Variants in MYBPC2 observed in about 807,000 individuals in gnomAD.
MYBPC2 encodes myosin-binding protein C, fast-type.
In MYBPC2, 122 loss-of-function variants were observed where a neutral mutation model predicts 137.0. The ratio of observed to expected loss-of-function variants is 0.89; its 90% CI spans 0.77 to 1.03. MYBPC2 has a LOEUF of 1.03. Among genes scored for constraint, MYBPC2 ranks in the 50% least tolerant of loss-of-function variants. MYBPC2 has a pLI of 0.00. For synonymous variants in MYBPC2, 626 were observed against 612.3 expected, an observed-to-expected ratio of 1.02 and a Z score of -0.33; for missense variants, 1,500 against 1,534.4, an observed-to-expected ratio of 0.98 and a Z score of 0.37.
In MYBPC2 at chr19:50,435,438, C is replaced by G. The variant is rs931550355; in HGVS notation, c.109+188C>G. Reference sequence around the variant, plus strand: ...TGGCACCCGCAGGCAGAGCCCAGCCCCTCGGCTGGCATCGGCTCCGGTCAG... The same window carrying G: ...TGGCACCCGCAGGCAGAGCCCAGCCGCTCGGCTGGCATCGGCTCCGGTCAG... On this transcript the variant is annotated intron_variant, in intron 2 of 27. Transcript: ENST00000357701. The surrounding 1 kb of genome is among the most constrained non-coding windows in gnomAD (Gnocchi z 4.8). Among the ~76,000 whole-genome samples, 2 of 152,240 alleles carry G rather than the reference C, an allele frequency of 1.3e-5. No individual in the cohort carries two copies. The highest frequency in any genetic ancestry group is 4.8e-5 in the African/African-American group (2 of 41,466).
At position 50,455,514 on chromosome 19, in the gene MYBPC2, C is replaced by T. The variant is rs990503399; in HGVS notation, c.2208C>T (p.Pro736=). The T allele has an allele frequency of 4.3e-6, 7 of 1,613,228 alleles. No individual in the cohort carries two copies. The African/African-American group carries it at 9.3e-5, about 22-fold the overall frequency. ...MNTKPFMPIA[P]TSEPLHLIVE... ...TCTTTTTCTGGATGCTTGCAGCACC[C>T]ACGAGTGAACCCCTGCACCTGATAG... The change falls in exon 20 of 28, where the codon CCC becomes CCT. Residue 736 remains proline, a synonymous_variant. Transcript: ENST00000357701.
rs756965772 is a variant in MYBPC2, at chr19:50,455,538, A to G, written c.2232A>G (p.Ile744Met). The G allele has an allele frequency of 1.2e-6, 2 of 1,613,776 alleles. No individual in the cohort carries two copies. Among genetic ancestry groups the G allele is most frequent in the South Asian group, 2.2e-5 (2 of 91,072 alleles). The part of the protein sequence containing the change: ...IAPTSEPLHL[I>M]VEDVTDTTTT... ...CCACGAGTGAACCCCTGCACCTGAT[A>G]GTGGAGGATGTGACAGACACCACCA... The change falls in exon 20 of 28, where the codon ATA (isoleucine) becomes ATG (methionine). Residue 744 changes from isoleucine (I) to methionine (M), a missense_variant. Coordinates refer to ENST00000357701, the MANE Select transcript of MYBPC2 (RefSeq NM_004533.4).
At chr19:50,442,772 A>C (rs1375860571) in intron 9 of MYBPC2, among the ~76,000 whole-genome samples, 1 of 151,808 alleles carries the variant, frequency 6.6e-6, no homozygotes, top group East Asian at 2.0e-4. Flanking sequence ...ACCTTTTTTA[A>C]ATTAATTACC....
chr19:50,464,206 A>G (rs1035889991), intron 26 of MYBPC2, 140 bp from the exon 27 acceptor site: 29 of 704,200 alleles, frequency 4.1e-5, no homozygotes, highest in Non-Finnish European at 6.5e-5. Context: ...ACTGAGGGTC[A>G]GGGAGAAGTG....
intron 5 of MYBPC2, 98 bp downstream of exon 5, chr19:50,436,832 T>G: frequency 8.8e-7 from 1 of 1,138,282 alleles, no homozygotes; most frequent in South Asian, 1.4e-5. Context: ...GGCATGGGCA[T>G]GAGGTGGGCA....
In MYBPC2 at chr19:50,441,045, AAAGGCT is replaced by A. The variant is rs1334394658; in HGVS notation, c.743_748del (p.Ala248_Lys249del). The A allele has an allele frequency of 1.4e-5, 22 of 1,604,416 alleles. No individual in the cohort carries two copies. Among genetic ancestry groups the A allele is most frequent in the Non-Finnish European group, 1.9e-5 (22 of 1,175,720 alleles). On this transcript the variant is annotated inframe_deletion, in exon 8 of 28. Coordinates refer to ENST00000357701, the MANE Select transcript of MYBPC2 (RefSeq NM_004533.4). ...TCCGGGGCATGCTGAAGCGGCTGAA[AAAGGCT>A]AAGGTCGAGGTCAAGAAGAGTGCAG...
At position 50,445,878 on chromosome 19, in the gene MYBPC2, AG is replaced by A; in HGVS notation, c.1134del. ...ATCCCGTTCTGTGTCTCACCCACCT[AG>A]GATGAAAGATGGTGTGGAACTGACT... On this transcript the variant is annotated splice_acceptor_variant, in intron 11 of 27. Transcript: ENST00000357701. LOFTEE classifies it high-confidence loss of function. 6.2e-7 allele frequency: 1 copy of A among 1,603,236 alleles called. No individual in the cohort carries two copies. The highest frequency in any genetic ancestry group is 8.5e-7 in the Non-Finnish European group (1 of 1,174,910).
chr19:50,458,803 C>A (rs753856496), intron 21 of MYBPC2, 49 bp downstream of exon 21: 1 of 1,603,438 alleles, frequency 6.2e-7, no homozygotes, highest in East Asian at 2.2e-5. Flanking sequence ...TGGCGTCGTC[C>A]CGCCTGCCCT....
chr19:50,434,884 G>A (rs1211218999), intron 1 of MYBPC2, among the ~76,000 whole-genome samples: 1 of 152,176 alleles, frequency 6.6e-6, no homozygotes, highest in East Asian at 1.9e-4. Context: ...TGGTGGCCTG[G>A]GCGGATGGGG....
chr19:50,433,434 T>C (rs1316839997), intron 1 of MYBPC2, among the ~76,000 whole-genome samples: 2 of 151,602 alleles, frequency 1.3e-5, no homozygotes, highest in Non-Finnish European at 2.9e-5. Context: ...AGATGGAGTC[T>C]CGCTCTGCCC....
intron 8 of MYBPC2, 29 bp downstream of exon 8, chr19:50,441,105 C>T: frequency 6.5e-7 from 1 of 1,548,932 alleles, no homozygotes; most frequent in East Asian, 2.4e-5. Flanking sequence ...GGAGCTGGGC[C>T]CTGCACACAA....
intron 13 of MYBPC2, among the ~76,000 whole-genome samples, chr19:50,449,529 C>G (rs2039837008): frequency 6.6e-6 from 1 of 152,226 alleles, no homozygotes; most frequent in Admixed American, 6.5e-5. Flanking sequence ...AAGTCCCAGG[C>G]CAGCTCTGAG....
chr19:50,446,036 C>T lies in MYBPC2; in HGVS notation c.1290C>T (p.Ala430=), dbSNP rs749900428. The change falls in exon 12 of 28, where the codon GCC becomes GCT. Residue 430 remains alanine, a synonymous_variant. Coordinates refer to ENST00000357701, the MANE Select transcript of MYBPC2 (RefSeq NM_004533.4). The part of the protein sequence containing the change: ...QVITNGGQCE[A]ELIVEEKQLE... ...TAACCAATGGCGGCCAGTGTGAGGC[C>T]GAGCTGATTGTGGAAGGTATGGGGC... The T allele has an allele frequency of 6.2e-5, 100 of 1,612,876 alleles. No homozygotes were observed. The East Asian group carries it at 1.0e-3, about 17-fold the overall frequency.
At chr19:50,444,417 A>G (rs2039785133) in intron 11 of MYBPC2, among the ~76,000 whole-genome samples, 2 of 152,180 alleles carry the variant, frequency 1.3e-5, no homozygotes, top group Admixed American at 6.6e-5. Flanking sequence ...CCATCGACCT[A>G]TCAATCCAGA....
intron 1 of MYBPC2, among the ~76,000 whole-genome samples, chr19:50,433,254 A>G (rs1726815): frequency 0.5 from 76,189 of 151,654 alleles, 20,023 homozygotes; most frequent in African/African-American, 0.64. Flanking sequence ...CCCTTCACTC[A>G]GCAGGGAGGG....
chr19:50,461,192 C>T (rs557065720), intron 24 of MYBPC2, among the ~76,000 whole-genome samples: 2 of 151,104 alleles, frequency 1.3e-5, no homozygotes, highest in African/African-American at 4.9e-5. Flanking sequence ...TTTTAACAGA[C>T]AAGGGTCTCG....
Position 50,435,150 on chromosome 19 carries a change from C to A in MYBPC2, c.20-11C>A, listed in dbSNP as rs745918830. On this transcript the variant is annotated splice_polypyrimidine_tract_variant and intron_variant, in intron 1 of 27. Coordinates refer to ENST00000357701, the MANE Select transcript of MYBPC2 (RefSeq NM_004533.4). The surrounding 1 kb of genome is among the most constrained non-coding windows in gnomAD (Gnocchi z 4.8). ...CCGCATGCTCAACTATGACTGTCCCCTACCTTACAGCGGCCAAAAAGGCCC... is the reference window on the plus strand; with the variant it reads ...CCGCATGCTCAACTATGACTGTCCCATACCTTACAGCGGCCAAAAAGGCCC... 7.8e-7 allele frequency: 1 copy of A among 1,275,346 alleles called. No individual in the cohort carries two copies. Among genetic ancestry groups the A allele is most frequent in the Non-Finnish European group, 1.1e-6 (1 of 878,676 alleles). 79.0% of individuals were successfully genotyped at this position (1,275,346 alleles called of 1,614,324 possible). A position where few individuals can be genotyped will look rare whatever the true frequency, so the allele number is the denominator to read the frequency against.
chr19:50,433,118 T>C, intron 1 of MYBPC2, 146 bp downstream of exon 1: 1 of 1,059,546 alleles, frequency 9.4e-7, no homozygotes, highest in Non-Finnish European at 1.3e-6. Context: ...GGATGGGGGT[T>C]CCCGCATCAG....
At position 50,458,643 on chromosome 19, in the gene MYBPC2, A is replaced by C; in HGVS notation, c.2395A>C (p.Lys799Gln). ...EPVERCGFTVKNLPTGARILF... is the reference protein window; with the variant it reads ...EPVERCGFTVQNLPTGARILF... ...CGTGGAGCGCTGTGGCTTCACCGTC[A>C]AGAATCTCCCGACCGGAGCCAGAAT... Residue 799 changes from lysine (K) to glutamine (Q), a missense_variant, in exon 21 of 28, where the codon AAG becomes CAG. Coordinates refer to ENST00000357701, the MANE Select transcript of MYBPC2 (RefSeq NM_004533.4). 1.2e-6 allele frequency: 2 copies of C among 1,612,906 alleles called. No individual in the cohort carries two copies. Among genetic ancestry groups the C allele is most frequent in the South Asian group, 2.2e-5 (2 of 91,082 alleles).
Sources: allele counts gnomAD v4.1 joint callset (sites outside exome capture counted in the v4.1 genomes callset), GRCh38; gene constraint gnomAD v4.1.1; non-coding constraint Gnocchi (gnomAD v3.1); transcripts MANE v1.5; gene names NCBI Gene and HGNC (gene_info 2026-07-23, HGNC 2026-07-21).